The following TMEM45B variants were observed in gnomAD, a reference collection of about 807,000 sequenced individuals.
The protein encoded by TMEM45B is transmembrane protein 45B.
A neutral mutation model predicts 27.3 loss-of-function variants in TMEM45B; 29 were observed. The observed-to-expected ratio is 1.06, with a 90% CI of 0.79 to 1.45. TMEM45B has a LOEUF of 1.45. TMEM45B is among the 40% of genes most tolerant of loss of function. The probability of loss-of-function intolerance (pLI) is 0.00; values close to 1 mark genes in which losing one functional copy is unlikely to be tolerated. For synonymous variants in TMEM45B, 143 were observed against 134.7 expected, an observed-to-expected ratio of 1.06 and a Z score of -0.43; for missense variants, 348 against 343.9, an observed-to-expected ratio of 1.01 and a Z score of -0.09.
intron 1 of TMEM45B, among the ~76,000 whole-genome samples, chr11:129,848,359 G>T (rs564707911): frequency 4.6e-5 from 7 of 152,306 alleles, no homozygotes; most frequent in Admixed American, 1.3e-4. Flanking sequence ...AAAAAAATAC[G>T]AAAACCCGTC....
intron 1 of TMEM45B, among the ~76,000 whole-genome samples, chr11:129,833,526 G>A (rs993573972): frequency 6.6e-6 from 1 of 152,106 alleles, no homozygotes; most frequent in African/African-American, 2.4e-5. Context: ...CGTAATCCCA[G>A]CACTTTGGGA....
At position 129,854,635 on chromosome 11, in the gene TMEM45B, G is replaced by A. The variant is rs200902981; in HGVS notation, c.204G>A (p.Pro68=). 24 of 1,614,158 alleles carry A rather than the reference G, an allele frequency of 1.5e-5. No individual in the cohort carries two copies. The East Asian group carries it at 1.8e-4, about 12-fold the overall frequency. The change falls in exon 3 of 6, where the codon CCG becomes CCA. Residue 68 remains proline, a synonymous_variant. Transcript: ENST00000281441. The stretch of plus-strand genomic sequence containing the variant: ...GGATCCTGGCAGAGCAGTTTGTTCC[G>A]GATGGGCCCCACCTGCACCTCTACC... ...VTGILAEQFV[P]DGPHLHLYHE...
intron 1 of TMEM45B, 54 bp downstream of exon 1, chr11:129,815,952 G>T (rs1392786555): frequency 2.0e-5 from 25 of 1,263,862 alleles, no homozygotes; most frequent in Non-Finnish European, 2.5e-5. Context: ...CTCGAAGGGA[G>T]AGGGGGCCCC....
At chr11:129,838,998 C>G (rs1167063697) in intron 1 of TMEM45B, among the ~76,000 whole-genome samples, 1 of 152,220 alleles carries the variant, frequency 6.6e-6, no homozygotes. Context: ...CATTTCCTCT[C>G]TCTTCTGTGA....
At chr11:129,833,469 G>A (rs1284640954) in intron 1 of TMEM45B, among the ~76,000 whole-genome samples, 1 of 151,802 alleles carries the variant, frequency 6.6e-6, no homozygotes, top group Non-Finnish European at 1.5e-5. Context: ...AATATGACTG[G>A]TATCCTTATA....
At chr11:129,837,006 C>T (rs1430843132) in intron 1 of TMEM45B, among the ~76,000 whole-genome samples, 2 of 152,160 alleles carry the variant, frequency 1.3e-5, no homozygotes, top group African/African-American at 4.8e-5. Flanking sequence ...GCTGGACACC[C>T]CGCAATGTGC....
At chr11:129,837,177 C>T (rs537950574) in intron 1 of TMEM45B, among the ~76,000 whole-genome samples, 1 of 152,210 alleles carries the variant, frequency 6.6e-6, no homozygotes, top group South Asian at 2.1e-4. Context: ...CCCACTTACT[C>T]CCTCTTACAG....
chr11:129,823,078 A>G lies in TMEM45B; in HGVS notation c.-9+7180A>G, dbSNP rs553618419. ...CTGGTCTCGAACCCCTGACCTTGTGATCCACCCACCTCGGCCTCCCAAAGT... is the reference window on the plus strand; with the variant it reads ...CTGGTCTCGAACCCCTGACCTTGTGGTCCACCCACCTCGGCCTCCCAAAGT... On this transcript the variant is annotated intron_variant, in intron 1 of 5. Coordinates refer to ENST00000281441, the MANE Select transcript of TMEM45B (RefSeq NM_138788.5). 2.1e-3 allele frequency among the ~76,000 whole-genome samples: 326 copies of G among 152,108 alleles called. 2 individuals carry two copies. Among genetic ancestry groups the G allele is most frequent in the African/African-American group, 7.5e-3 (313 of 41,500 alleles).
rs565289775 is a variant in TMEM45B at position 129,816,444 on chromosome 11, G to A, written c.-9+546G>A. Among the ~76,000 whole-genome samples, 7 of 152,264 alleles carry A rather than the reference G, an allele frequency of 4.6e-5. No homozygotes were observed. In the South Asian group the frequency reaches 1.5e-3, roughly 32 times the overall value. The stretch of plus-strand genomic sequence containing the variant: ...GAGCCAGATCCTTTCCTGAGGCCAG[G>A]AAGCCTGGAATCTAATAACACCGGG... On this transcript the variant is annotated intron_variant, in intron 1 of 5. Coordinates refer to ENST00000281441, the MANE Select transcript of TMEM45B (RefSeq NM_138788.5).
intron 1 of TMEM45B, among the ~76,000 whole-genome samples, chr11:129,834,809 T>G (rs1405274842): frequency 8.5e-5 from 3 of 35,112 alleles, no homozygotes; most frequent in Non-Finnish European, 1.2e-4. Context: ...AGACTCCATC[T>G]CCACAAAAAA....
chr11:129,828,973 C>T (rs1947518192), intron 1 of TMEM45B, among the ~76,000 whole-genome samples: 1 of 152,172 alleles, frequency 6.6e-6, no homozygotes, highest in East Asian at 1.9e-4. Flanking sequence ...AATAGTGTAC[C>T]AGCACCAGAC....
chr11:129,856,516 T>C (rs1370221999), intron 4 of TMEM45B, among the ~76,000 whole-genome samples: 1 of 151,396 alleles, frequency 6.6e-6, no homozygotes, highest in Non-Finnish European at 1.5e-5. Flanking sequence ...TGGACTTGTG[T>C]TTTTAAGTAA....
At chr11:129,858,515 C>T (rs563532549) in intron 5 of TMEM45B, 59 bp from the exon 6 acceptor site, 1 of 1,251,102 alleles carries the variant, frequency 8.0e-7, no homozygotes. Context: ...CCTTCACATC[C>T]TTGGTAATGG....
intron 1 of TMEM45B, among the ~76,000 whole-genome samples, chr11:129,851,769 A>C (rs1947849684): frequency 6.6e-6 from 1 of 152,104 alleles, no homozygotes; most frequent in South Asian, 2.1e-4. Flanking sequence ...ACAGCAAATC[A>C]TGCCTGAAAA....
chr11:129,855,563 C>A, intron 3 of TMEM45B, 145 bp from the exon 4 acceptor site: 1 of 754,592 alleles, frequency 1.3e-6, no homozygotes, highest in Non-Finnish European at 2.3e-6. Context: ...ATGAAATACA[C>A]TTACTCGCAT....
intron 5 of TMEM45B, among the ~76,000 whole-genome samples, chr11:129,857,694 G>C (rs912400800): frequency 6.6e-6 from 1 of 152,162 alleles, no homozygotes; most frequent in Non-Finnish European, 1.5e-5. Flanking sequence ...TTCAAATGCA[G>C]GTCTCACAGA....
intron 1 of TMEM45B, 87 bp downstream of exon 1, chr11:129,815,985 G>C (rs1947345487): frequency 5.6e-6 from 7 of 1,248,088 alleles, no homozygotes; most frequent in Non-Finnish European, 7.0e-6. Context: ...GGCTGTGATG[G>C]AGAGGAGGTT....
At chr11:129,853,270 C>T (rs1326318654) in intron 2 of TMEM45B, among the ~76,000 whole-genome samples, 1 of 152,248 alleles carries the variant, frequency 6.6e-6, no homozygotes, top group Non-Finnish European at 1.5e-5. Context: ...TGCGGCCCTC[C>T]AGGAACAAGC....
At chr11:129,854,480 C>A in intron 2 of TMEM45B, 130 bp from the exon 3 acceptor site, 1 of 812,744 alleles carries the variant, frequency 1.2e-6, no homozygotes, top group Non-Finnish European at 2.0e-6. Context: ...AGCAAAGTAG[C>A]TCTGCTGACC....
Sources: allele counts gnomAD v4.1 joint callset (sites outside exome capture counted in the v4.1 genomes callset), GRCh38; gene constraint gnomAD v4.1.1; transcripts MANE v1.5; gene names NCBI Gene and HGNC (gene_info 2026-07-23, HGNC 2026-07-21).